Variants in MCM3AP observed in about 807,000 individuals in gnomAD.
MCM3AP encodes the protein minichromosome maintenance complex component 3 associated protein.
In MCM3AP, 126 loss-of-function variants were observed where a neutral mutation model predicts 184.1. The observed-to-expected ratio is 0.68, with a 90% CI of 0.59 to 0.79. The LOEUF is 0.79. MCM3AP is among the 30% of genes least tolerant of loss of function. The probability of loss-of-function intolerance (pLI) is 0.00; values close to 1 mark genes in which losing one functional copy is unlikely to be tolerated. For synonymous variants in MCM3AP, 1,002 were observed against 979.3 expected, an observed-to-expected ratio of 1.02 and a Z score of -0.43; for missense variants, 2,496 against 2,479.2, an observed-to-expected ratio of 1.01 and a Z score of -0.14.
rs901998358 is a variant in MCM3AP, at chr21:46,240,727, T to C, written c.5633+84A>G. The C allele has an allele frequency of 2.4e-6, 3 of 1,247,080 alleles. No individual in the cohort carries two copies. In the African/African-American group the frequency reaches 4.5e-5, roughly 19 times the overall value. The allele number at this position is 1,247,080 out of a possible 1,614,324, so 77.3% of individuals were successfully genotyped here. On this transcript the variant is annotated intron_variant, in intron 26 of 27. Transcript: ENST00000291688. ...CCTGCCCTTCTCCATCCTGGCTGTCTTATATTAATCAAGCAATAACCAGTC... is the reference window on the plus strand; with the variant it reads ...CCTGCCCTTCTCCATCCTGGCTGTCCTATATTAATCAAGCAATAACCAGTC...
chr21:46,253,651 G>A (rs2080905666), intron 19 of MCM3AP: 1 of 151,738 alleles, frequency 6.6e-6, no homozygotes, highest in Non-Finnish European at 1.5e-5. Context: ...TCATGATAGT[G>A]AGCTCTCACG....
At chr21:46,275,072 A>G in intron 6 of MCM3AP, 114 bp downstream of exon 6, 1 of 1,202,160 alleles carries the variant, frequency 8.3e-7, no homozygotes, top group South Asian at 1.8e-5. Context: ...ATGATTGTTA[A>G]TAGCACAAAT....
At chr21:46,280,250 G>C in intron 3 of MCM3AP, 113 bp from the exon 4 acceptor site, 6 of 1,220,814 alleles carry the variant, frequency 4.9e-6, no homozygotes, top group Non-Finnish European at 5.9e-6. Flanking sequence ...CAGGAGGTTA[G>C]AGAAGAGCCC....
Position 46,246,792 on chromosome 21 carries a change from G to C in MCM3AP, c.4385C>G (p.Pro1462Arg), listed in dbSNP as rs368739095. The change falls in exon 21 of 28, where the codon CCC becomes CGC. Residue 1462 changes from proline to arginine, a missense_variant. Around this residue, in one of 5 missense-constraint regions of MCM3AP, gnomAD observed 1,323 missense variants for 1,273.4 expected, o/e 1.04. Coordinates refer to ENST00000291688, the MANE Select transcript of MCM3AP (RefSeq NM_003906.5). ...GASGLMLLLP[P>R]KMKSEDMAEE... Reference sequence around the variant, plus strand: ...TGCCATGTCCTCACTCTTCATTTTGGGGGGAAGCAGCAGCATGAGCCCACT... The same window carrying C: ...TGCCATGTCCTCACTCTTCATTTTGCGGGGAAGCAGCAGCATGAGCCCACT... The C allele has an allele frequency of 9.4e-5, 151 of 1,614,202 alleles. 7 individuals are homozygous for C. The South Asian group carries it at 1.6e-3, about 17-fold the overall frequency.
In MCM3AP at chr21:46,284,342, C is replaced by A. The variant is rs1426322184; in HGVS notation, c.945G>T (p.Leu315=). The A allele has an allele frequency of 6.2e-7, 1 of 1,614,084 alleles. No individual in the cohort carries two copies. The highest frequency in any genetic ancestry group is 2.2e-5 in the East Asian group (1 of 44,898). ...GHEPAEDSDP[L]SRGDHPPDKR... ...TGTCTGGAGGATGATCGCCCCGGGA[C>A]AGAGGATCCGAATCTTCTGCTGGCT... is the stretch of plus-strand genomic sequence containing the variant. Residue 315 remains leucine (L), a synonymous_variant, in exon 1 of 28, where the codon CTG becomes CTT. Coordinates refer to ENST00000291688, the MANE Select transcript of MCM3AP (RefSeq NM_003906.5).
intron 12 of MCM3AP, 75 bp from the exon 13 acceptor site, chr21:46,264,292 G>A (rs1464933105): frequency 7.9e-5 from 74 of 942,522 alleles, no homozygotes; most frequent in Admixed American, 1.0e-4. Flanking sequence ...TGTTGTCACC[G>A]GACAGTCTGC....
intron 20 of MCM3AP, chr21:46,249,577 T>G (rs1309501622): frequency 2.2e-6 from 1 of 450,120 alleles, no homozygotes; most frequent in African/African-American, 2.0e-5. Context: ...TTCTTTTTCT[T>G]TCCCCCAGCT....
chr21:46,284,415 A>C lies in MCM3AP; in HGVS notation c.872T>G (p.Leu291Arg). The change falls in exon 1 of 28, where the codon CTG becomes CGG. Residue 291 changes from leucine (L) to arginine (R), a missense_variant. Leu to Arg is a moderately radical substitution (Grantham distance 102). This residue lies in a region of MCM3AP where 800 missense variants were observed against 717.1 expected (regional missense o/e 1.12). Coordinates refer to ENST00000291688, the MANE Select transcript of MCM3AP (RefSeq NM_003906.5). ...GCGATCCTGGTCCTCCTTCCTTTTC[A>C]GTCCTTTCATTAGGCTGGGAAGTGG... ...VEPLPSLMKG[L>R]KRKEDQDRSP... 1 of 1,614,038 alleles carries C rather than the reference A, an allele frequency of 6.2e-7. No individual in the cohort carries two copies. Among genetic ancestry groups the C allele is most frequent in the East Asian group, 2.2e-5 (1 of 44,870 alleles).
At position 46,246,831 on chromosome 21, in the gene MCM3AP, T is replaced by G; in HGVS notation, c.4346A>C (p.Asp1449Ala). ...CATGAGCCCACTGGCTCCCAGGAGG[T>G]CCTTCTGTGTCTCCACAGCATCAAT... ...GAIDAVETQK[D>A]LLGASGLMLL... Residue 1449 changes from aspartate to alanine, a missense_variant, in exon 21 of 28, where the codon GAC (aspartate) becomes GCC (alanine). Coordinates refer to ENST00000291688, the MANE Select transcript of MCM3AP (RefSeq NM_003906.5). 6.2e-7 allele frequency: 1 copy of G among 1,614,106 alleles called. No homozygotes were observed. Among genetic ancestry groups the G allele is most frequent in the Non-Finnish European group, 8.5e-7 (1 of 1,180,004 alleles).
intron 10 of MCM3AP, 92 bp from the exon 11 acceptor site, chr21:46,266,258 G>A: frequency 7.2e-7 from 1 of 1,395,866 alleles, no homozygotes. Flanking sequence ...AAGCCCCTTG[G>A]GTGTCACCAC....
At position 46,285,270 on chromosome 21, in the gene MCM3AP, G is replaced by A; in HGVS notation, c.17C>T (p.Pro6Leu). The change falls in exon 1 of 28, where the codon CCT becomes CTT. Residue 6 changes from proline (P) to leucine (L), a missense_variant. Pro to Leu is a moderately conservative substitution (Grantham distance 98). Coordinates refer to ENST00000291688, the MANE Select transcript of MCM3AP (RefSeq NM_003906.5). MNPTN[P>L]FSGQQPSAFS... ...AGCACTAGGCTGCTGCCCACTGAAAGGATTAGTTGGGTTCATCTTCTGCTC... is the reference window on the plus strand; with the variant it reads ...AGCACTAGGCTGCTGCCCACTGAAAAGATTAGTTGGGTTCATCTTCTGCTC... The A allele has an allele frequency of 3.7e-6, 6 of 1,612,286 alleles. No homozygotes were observed. The highest frequency in any genetic ancestry group is 1.1e-5 in the South Asian group (1 of 90,978).
intron 18 of MCM3AP, 73 bp downstream of exon 18, chr21:46,254,703 G>C (rs986883063): frequency 2.0e-6 from 3 of 1,476,296 alleles, no homozygotes; most frequent in Non-Finnish European, 2.8e-6. Flanking sequence ...GATGCATGAA[G>C]GGGGCTGCCA....
intron 15 of MCM3AP, among the ~76,000 whole-genome samples, chr21:46,259,557 G>A (rs1201624915): frequency 6.6e-6 from 1 of 151,926 alleles, no homozygotes; most frequent in Non-Finnish European, 1.5e-5. Context: ...ATCACTTCAG[G>A]TCAGGAGTTC....
In MCM3AP at chr21:46,256,803, G is replaced by A. The variant is rs1801342392; in HGVS notation, c.3918C>T (p.Gly1306=). 1 of 1,554,910 alleles carries A rather than the reference G, an allele frequency of 6.4e-7. No individual in the cohort carries two copies. Among genetic ancestry groups the A allele is most frequent in the South Asian group, 1.2e-5 (1 of 84,422 alleles). ...CTGATGCTGACCTGGTGCAGGAGAT[G>A]CCCAATCTCCCTGCATGGCCCAGGT... The part of the protein sequence containing the change: ...LLDLGHAGRL[G]ISCTRLRRLR... Residue 1306 remains glycine, a synonymous_variant, in exon 17 of 28, where the codon GGC becomes GGT. Transcript: ENST00000291688.
At chr21:46,254,743 A>T in intron 18 of MCM3AP, 33 bp downstream of exon 18, 1 of 1,598,154 alleles carries the variant, frequency 6.3e-7, no homozygotes, top group Non-Finnish European at 8.6e-7. Flanking sequence ...GGGGATCACC[A>T]GGGGGTGCGC....
intron 20 of MCM3AP, 43 bp downstream of exon 20, chr21:46,251,486 G>C: frequency 6.6e-7 from 1 of 1,519,374 alleles, no homozygotes; most frequent in South Asian, 1.2e-5. Flanking sequence ...GTAAGTGAAA[G>C]TAATGAAAAC....
chr21:46,244,686 G>A (rs2080733709), intron 23 of MCM3AP, 121 bp downstream of exon 23: 9 of 1,043,420 alleles, frequency 8.6e-6, no homozygotes, highest in South Asian at 7.9e-5. Flanking sequence ...GGAGACACAC[G>A]GAGGTGGACG....
chr21:46,280,596 G>T (rs751609075), intron 2 of MCM3AP, 21 bp from the exon 3 acceptor site: 1 of 1,545,218 alleles, frequency 6.5e-7, no homozygotes, highest in East Asian at 2.2e-5. Flanking sequence ...GTCCACAACC[G>T]CCATGTGTGA....
At chr21:46,276,986 G>A (rs1444722991) in intron 5 of MCM3AP, among the ~76,000 whole-genome samples, 1 of 151,796 alleles carries the variant, frequency 6.6e-6, no homozygotes, top group Non-Finnish European at 1.5e-5. Context: ...CTGACCTCAG[G>A]TGGTCCCTCA....
Sources: gnomAD v4.1 joint callset for allele counts (sites outside exome capture counted in the v4.1 genomes callset) on GRCh38, gnomAD v4.1.1 for gene constraint, gnomAD v4.1.1 regional missense constraint, MANE v1.5 for transcripts, NCBI Gene and HGNC (gene_info 2026-07-23, HGNC 2026-07-21) for gene names.